HK1: variants seen among roughly 807,000 people sequenced by gnomAD.
The protein encoded by HK1 is hexokinase-1.
A neutral mutation model predicts 91.6 loss-of-function variants in HK1; 28 were observed. The observed-to-expected ratio is 0.31, with a 90% CI of 0.23 to 0.42. The LOEUF (loss-of-function observed/expected upper bound fraction) is 0.42, where lower values mean the gene tolerates loss of function less well. HK1 is among the 10% of genes least tolerant of loss of function. The pLI, the probability that HK1 is intolerant of heterozygous loss-of-function variation, is 1.00. For missense variants in HK1, 770 were observed against 1,219.8 expected, an observed-to-expected ratio of 0.63 and a Z score of 5.49; for synonymous variants, 430 against 468.1, an observed-to-expected ratio of 0.92 and a Z score of 1.05.
chr10:69,389,388 T>A, intron 14 of HK1, 92 bp downstream of exon 14: 2 of 838,944 alleles, frequency 2.4e-6, no homozygotes, highest in Non-Finnish European at 4.0e-6. Flanking sequence ...TGGTCCTCTG[T>A]ATGGGGTAGT....
rs759200551 is a variant in HK1 at position 69,300,795 on chromosome 10, G to A, written c.-40G>A. Reference sequence around the variant, plus strand: ...ATTGTTGATGCTCTTGAGAGCATCAGCCAGGACATTAATGTGCACCACTGT... The same window carrying A: ...ATTGTTGATGCTCTTGAGAGCATCAACCAGGACATTAATGTGCACCACTGT... On this transcript the variant is annotated 5_prime_UTR_variant, in exon 5 of 22. Coordinates refer to the HK1 transcript ENST00000360289. 3 of 1,608,664 alleles carry A rather than the reference G, an allele frequency of 1.9e-6. No homozygotes were observed. The Admixed American group carries it at 5.0e-5, about 27-fold the overall frequency.
chr10:69,383,888 A>C (rs540871329), intron 10 of HK1, among the ~76,000 whole-genome samples: 5 of 152,380 alleles, frequency 3.3e-5, no homozygotes, highest in Non-Finnish European at 5.9e-5. Context: ...TGGCCTGAAC[A>C]ATCCTAGGGC....
chr10:69,300,750 T>C, intron 4 of HK1: 1 of 1,395,180 alleles, frequency 7.2e-7, no homozygotes, highest in Non-Finnish European at 1.0e-6. Context: ...AAGAACCTGG[T>C]GTTTGTCTCT....
intron 12 of HK1, 110 bp from the exon 13 acceptor site, chr10:69,386,213 G>A (rs1305172538): frequency 8.7e-6 from 7 of 805,690 alleles, no homozygotes; most frequent in South Asian, 2.9e-5. Flanking sequence ...CTCCGTCTCC[G>A]ATGTTGTAAG....
chr10:69,353,508 G>A (rs1009493457), intron 2 of HK1, among the ~76,000 whole-genome samples: 3 of 151,896 alleles, frequency 2.0e-5, no homozygotes, highest in South Asian at 4.1e-4. Flanking sequence ...TGGGAGGATC[G>A]CTTGGGCTCT....
Position 69,318,902 on chromosome 10 carries a change from G to T in HK1, c.-46G>T. ...ACCACGGCTCGCCAGGGCTGCGGAGGACCGACCGTCCCCACGCCTGCCGCC... is the reference window on the plus strand; with the variant it reads ...ACCACGGCTCGCCAGGGCTGCGGAGTACCGACCGTCCCCACGCCTGCCGCC... On this transcript the variant is annotated 5_prime_UTR_variant, in exon 1 of 18. Coordinates refer to ENST00000359426, the MANE Select transcript of HK1 (RefSeq NM_000188.3). 1 of 1,553,708 alleles carries T rather than the reference G, an allele frequency of 6.4e-7. No individual in the cohort carries two copies. Among genetic ancestry groups the T allele is most frequent in the South Asian group, 1.2e-5 (1 of 84,672 alleles).
rs761212422 is a variant in HK1, at chr10:69,380,820, G to A, written c.1265+725G>A. Among the ~76,000 whole-genome samples the A allele has an allele frequency of 3.0e-4, 46 of 152,200 alleles. No individual in the cohort carries two copies. The highest frequency in any genetic ancestry group is 5.6e-4 in the Non-Finnish European group (38 of 68,040). ...AACGTGGCTTATACTTTTTTTAAAA[G>A]GCTAAAGGGAAATTCTAAGTCATTA... On this transcript the variant is annotated intron_variant, in intron 9 of 17. Transcript: ENST00000359426. The surrounding 1 kb of genome is among the most constrained non-coding windows in gnomAD (Gnocchi z 4.0).
chr10:69,277,254 G>C (rs1589429030), intron 1 of HK1, among the ~76,000 whole-genome samples: 1 of 152,098 alleles, frequency 6.6e-6, no homozygotes, highest in South Asian at 2.1e-4. Context: ...AATCTGTTTT[G>C]TGTCTCTGAA....
intron 7 of HK1, among the ~76,000 whole-genome samples, chr10:69,373,841 C>T (rs1850147867): frequency 6.6e-6 from 1 of 152,164 alleles, no homozygotes; most frequent in Non-Finnish European, 1.5e-5. Flanking sequence ...CCTCCTGCCT[C>T]AACCTCCCAG....
intron 4 of HK1, among the ~76,000 whole-genome samples, chr10:69,298,880 G>A (rs933369220): frequency 2.0e-5 from 3 of 151,778 alleles, no homozygotes. Context: ...AGTGCCTTGA[G>A]AGAATTAGCT....
exon 5 of HK1, chr10:69,300,787 G>A: frequency 1.2e-6 from 2 of 1,605,538 alleles, no homozygotes; most frequent in Non-Finnish European, 1.7e-6. Context: ...ATGCTCTTGA[G>A]AGCATCAGCC....
intron 1 of HK1, among the ~76,000 whole-genome samples, chr10:69,327,232 C>T (rs772792604): frequency 2.6e-5 from 4 of 152,008 alleles, no homozygotes; most frequent in Non-Finnish European, 5.9e-5. Context: ...CTCAAGTGAT[C>T]CACCTGCCTA....
chr10:69,292,359 C>T (rs1032281583), intron 3 of HK1: 3 of 445,020 alleles, frequency 6.7e-6, no homozygotes, highest in Non-Finnish European at 1.3e-5. Context: ...AGGTATGAGC[C>T]ACTGCACCCA....
chr10:69,288,163 G>C (rs1048816774), intron 2 of HK1, among the ~76,000 whole-genome samples: 1 of 152,072 alleles, frequency 6.6e-6, no homozygotes, highest in South Asian at 2.1e-4. Flanking sequence ...TGGCCTTTTG[G>C]AGATGTCTTT....
At chr10:69,361,946 T>C (rs978038216) in intron 3 of HK1, among the ~76,000 whole-genome samples, 1 of 152,158 alleles carries the variant, frequency 6.6e-6, no homozygotes, top group Non-Finnish European at 1.5e-5. Context: ...GCCTCCCAAA[T>C]AGCTGGAATT....
chr10:69,381,714 C>T (rs1013465827), intron 9 of HK1, among the ~76,000 whole-genome samples: 3 of 152,052 alleles, frequency 2.0e-5, no homozygotes, highest in Non-Finnish European at 4.4e-5. Flanking sequence ...CCACCATACC[C>T]AGCTAATTTT....
At chr10:69,275,182 C>T (rs998842379) in intron 1 of HK1, among the ~76,000 whole-genome samples, 4 of 149,982 alleles carry the variant, frequency 2.7e-5, no homozygotes, top group Non-Finnish European at 1.5e-5. Flanking sequence ...ATTACAATGT[C>T]TTATTTTATT....
At chr10:69,383,011 A>G (rs899647830) in intron 10 of HK1, among the ~76,000 whole-genome samples, 2 of 152,172 alleles carry the variant, frequency 1.3e-5, no homozygotes, top group Non-Finnish European at 2.9e-5. Flanking sequence ...CCTCCCAGGC[A>G]AGTGCTATCT....
At chr10:69,313,785 G>C (rs749117977), upstream of HK1, among the ~76,000 whole-genome samples, 1 of 152,056 alleles carries the variant, frequency 6.6e-6, no homozygotes, top group Non-Finnish European at 1.5e-5. Context: ...GTGAGGCACC[G>C]GCCTGAAATC....
Sources: gnomAD v4.1 joint callset for allele counts (sites outside exome capture counted in the v4.1 genomes callset) on GRCh38, gnomAD v4.1.1 for gene constraint, Gnocchi (gnomAD v3.1) non-coding constraint, MANE v1.5 for transcripts, NCBI Gene and HGNC (gene_info 2026-07-23, HGNC 2026-07-21) for gene names.